Variants in NCAPH2 observed in about 807,000 individuals in gnomAD.
The protein encoded by NCAPH2 is condensin-2 complex subunit H2.
NCAPH2 carries 56 observed loss-of-function variants against 88.6 expected under a neutral mutation model. The ratio of observed to expected loss-of-function variants is 0.63; its 90% CI spans 0.51 to 0.79. The LOEUF is 0.79. NCAPH2 is among the 30% of genes least tolerant of loss of function. The pLI, the probability that NCAPH2 is intolerant of heterozygous loss-of-function variation, is 0.00. For missense variants in NCAPH2, 794 were observed against 792.0 expected (o/e 1.00, Z -0.03); for synonymous variants, 378 against 313.6 (o/e 1.21, Z -2.17).
chr22:50,517,779 CGTG>C lies in NCAPH2; in HGVS notation c.392_394del (p.Val131del). On this transcript the variant is annotated inframe_deletion, in exon 5 of 20. Transcript: ENST00000420993. The stretch of plus-strand genomic sequence containing the variant: ...ATGACTTCCCTGACTCCCGGACTAA[CGTG>C]GATCTCAAGAATGATCAGACGCCCA... 1 of 1,613,982 alleles carries C rather than the reference CGTG, an allele frequency of 6.2e-7. No individual in the cohort carries two copies. The highest frequency in any genetic ancestry group is 8.5e-7 in the Non-Finnish European group (1 of 1,180,032).
intron 1 of NCAPH2, among the ~76,000 whole-genome samples, chr22:50,509,488 T>C (rs6010122): frequency 0.13 from 20,362 of 152,192 alleles, 3,400 homozygotes; most frequent in African/African-American, 0.39. Flanking sequence ...TGCTTAACAC[T>C]CAGTTCATCC....
intron 1 of NCAPH2, among the ~76,000 whole-genome samples, chr22:50,510,669 C>T (rs536833506): frequency 7.9e-5 from 12 of 152,132 alleles, no homozygotes; most frequent in African/African-American, 1.9e-4. Context: ...TCAGGTGATC[C>T]AGCCAGCTCT....
intron 1 of NCAPH2, among the ~76,000 whole-genome samples, chr22:50,514,964 A>G (rs2068875584): frequency 6.6e-6 from 1 of 152,150 alleles, no homozygotes; most frequent in South Asian, 2.1e-4. Context: ...AGCTGCCTTC[A>G]CGTTCCCTTC....
rs2069155920 is a variant in NCAPH2, at chr22:50,522,900, T to C, written c.1505T>C (p.Val502Ala). The change falls in exon 18 of 20, where the codon GTG becomes GCG. Residue 502 changes from valine (V) to alanine (A), a missense_variant. Physicochemically the swap from Val to Ala is moderately conservative, Grantham distance 64 (BLOSUM62 0). Transcript: ENST00000420993. ...SQRIRDWEDT[V>A]QPLLQEQEQH... ...CGCATCAGGGACTGGGAGGACACAG[T>C]GCAGCCTCTGCTCCAGGAGCAGGTG... is the stretch of plus-strand genomic sequence containing the variant. 1 of 1,613,272 alleles carries C rather than the reference T, an allele frequency of 6.2e-7. No homozygotes were observed. The highest frequency in any genetic ancestry group is 8.5e-7 in the Non-Finnish European group (1 of 1,179,984).
chr22:50,524,663 T>G lies in NCAPH2; in HGVS notation c.*1288T>G, dbSNP rs1039499532. ...GGATCACCAGCCTGTCACCGCACCC[T>G]GCCCTGCACCTGCACCTCAGCAAGG... On this transcript the variant is annotated 3_prime_UTR_variant, in exon 20 of 20. Transcript: ENST00000420993. The G allele has an allele frequency of 1.5e-6, 1 of 684,974 alleles. No homozygotes were observed. Among genetic ancestry groups the G allele is most frequent in the Non-Finnish European group, 2.7e-6 (1 of 364,468 alleles). 42.4% of individuals were successfully genotyped at this position (684,974 alleles called of 1,614,324 possible).
Position 50,518,128 on chromosome 22 carries a change from C to A in NCAPH2, c.501-5C>A. On this transcript the variant is annotated splice_polypyrimidine_tract_variant and splice_region_variant and intron_variant, in intron 6 of 19. Coordinates refer to ENST00000420993, the MANE Select transcript of NCAPH2 (RefSeq NM_152299.4). ...TCTACAGCAGGCGTGTTTTTGCCAGCACAGCCGTCAGGGTGAGGTCCTGGC... is the reference window on the plus strand; with the variant it reads ...TCTACAGCAGGCGTGTTTTTGCCAGAACAGCCGTCAGGGTGAGGTCCTGGC... 1 of 1,613,852 alleles carries A rather than the reference C, an allele frequency of 6.2e-7. No homozygotes were observed. Among genetic ancestry groups the A allele is most frequent in the East Asian group, 2.2e-5 (1 of 44,876 alleles).
intron 8 of NCAPH2, 77 bp from the exon 9 acceptor site, chr22:50,519,113 G>A (rs1388485499): frequency 2.6e-5 from 35 of 1,359,130 alleles, no homozygotes; most frequent in Non-Finnish European, 3.2e-5. Flanking sequence ...GAGGGAGGAA[G>A]TAGCCATCAG....
Position 50,524,496 on chromosome 22 carries a change from T to A in NCAPH2, c.*1121T>A. ...CAGTGCCTGGGCTGCCCCTGCGACTTGAGACCAGCCACCCATCTGAAGGAC... is the reference window on the plus strand; with the variant it reads ...CAGTGCCTGGGCTGCCCCTGCGACTAGAGACCAGCCACCCATCTGAAGGAC... On this transcript the variant is annotated 3_prime_UTR_variant, in exon 20 of 20. Transcript: ENST00000420993. 1.4e-6 allele frequency: 2 copies of A among 1,406,984 alleles called. No homozygotes were observed. The highest frequency in any genetic ancestry group is 2.0e-6 in the Non-Finnish European group (2 of 1,008,430). The allele number at this position is 1,406,984 out of a possible 1,614,324, so 87.2% of individuals were successfully genotyped here.
rs1245785060 is a variant in NCAPH2 at position 50,518,700 on chromosome 22, C to G, written c.698C>G (p.Pro233Arg). 1 of 1,609,044 alleles carries G rather than the reference C, an allele frequency of 6.2e-7. No individual in the cohort carries two copies. Among genetic ancestry groups the G allele is most frequent in the Non-Finnish European group, 8.5e-7 (1 of 1,178,634 alleles). Reference protein sequence around the residue: ...QPMEVSVCRSPVPALGFSQEP... With the variant: ...QPMEVSVCRSRVPALGFSQEP... ...ATGGAAGTTTCCGTGTGCAGGAGCCCTGTCCCAGCACTCGGCTTCTCCCAG... is the reference window on the plus strand; with the variant it reads ...ATGGAAGTTTCCGTGTGCAGGAGCCGTGTCCCAGCACTCGGCTTCTCCCAG... Residue 233 changes from proline to arginine, a missense_variant, in exon 8 of 20, where the codon CCT (proline) becomes CGT (arginine). Physicochemically the swap from Pro to Arg is moderately radical, Grantham distance 103. Around this residue, in one of 2 missense-constraint regions of NCAPH2, gnomAD observed 735 missense variants for 696.3 expected, o/e 1.06. Coordinates refer to ENST00000420993, the MANE Select transcript of NCAPH2 (RefSeq NM_152299.4).
Position 50,522,424 on chromosome 22 carries a change from C to G in NCAPH2, c.1306+9C>G. 6.2e-7 allele frequency: 1 copy of G among 1,611,654 alleles called. No individual in the cohort carries two copies. The highest frequency in any genetic ancestry group is 8.5e-7 in the Non-Finnish European group (1 of 1,179,002). On this transcript the variant is annotated intron_variant, in intron 15 of 19. Transcript: ENST00000420993. Reference sequence around the variant, plus strand: ...AGACCTGGGGGCAGCAGGTGGGTGCCTGCCAGGGGGTGGGGTGGGGCTTGG... The same window carrying G: ...AGACCTGGGGGCAGCAGGTGGGTGCGTGCCAGGGGGTGGGGTGGGGCTTGG...
chr22:50,517,987 C>A lies in NCAPH2; in HGVS notation c.435C>A (p.Ile145=). Reference sequence around the variant, plus strand: ...CCTCCATGCAGGAGGTCCTCATCATCCCCCTCCTGCCCATGGCCCTGGTGG... The same window carrying A: ...CCTCCATGCAGGAGGTCCTCATCATACCCCTCCTGCCCATGGCCCTGGTGG... ...NDQTPSEVLI[I]PLLPMALVAP... The change falls in exon 6 of 20, where the codon ATC becomes ATA. Residue 145 remains isoleucine (I), a synonymous_variant. Coordinates refer to ENST00000420993, the MANE Select transcript of NCAPH2 (RefSeq NM_152299.4). The A allele has an allele frequency of 1.2e-6, 2 of 1,613,692 alleles. 1 individual carries two copies. Among genetic ancestry groups the A allele is most frequent in the Admixed American group, 3.3e-5 (2 of 59,980 alleles).
rs1190083903 is a variant in NCAPH2 at position 50,518,070 on chromosome 22, G to T, written c.500+18G>T. ...CTGTACAGGTAGGGATCTGAGCCCA[G>T]CGACGGGGAGGGAGGCCTGCCTGGG... On this transcript the variant is annotated intron_variant, in intron 6 of 19. Coordinates refer to ENST00000420993, the MANE Select transcript of NCAPH2 (RefSeq NM_152299.4). The T allele has an allele frequency of 1.2e-6, 2 of 1,613,666 alleles. No individual in the cohort carries two copies. The highest frequency in any genetic ancestry group is 1.7e-5 in the Admixed American group (1 of 59,958).
At chr22:50,519,760 A>G (rs1025473015) in intron 9 of NCAPH2, 4 of 1,000,460 alleles carry the variant, frequency 4.0e-6, no homozygotes, top group Non-Finnish European at 1.2e-6. Flanking sequence ...TGATGCATAC[A>G]GAGGAAATGT....
chr22:50,508,473 G>T, intron 1 of NCAPH2, 28 bp downstream of exon 1: 1 of 1,273,282 alleles, frequency 7.9e-7, no homozygotes, highest in Non-Finnish European at 1.0e-6. Context: ...GTGACGCGGG[G>T]TGGGCCGGCG....
chr22:50,523,564 CAGATT>C lies in NCAPH2; in HGVS notation c.*191_*195del. The C allele has an allele frequency of 6.3e-7, 1 of 1,596,088 alleles. No individual in the cohort carries two copies. The highest frequency in any genetic ancestry group is 1.7e-5 in the Admixed American group (1 of 58,806). Reference sequence around the variant, plus strand: ...CGCTGGTACAGATCACACACACACACAGATTAAACGCAGCCCGTTTAATGATGGGG... The same window carrying C: ...CGCTGGTACAGATCACACACACACACAAACGCAGCCCGTTTAATGATGGGG... On this transcript the variant is annotated 3_prime_UTR_variant, in exon 20 of 20. Coordinates refer to ENST00000420993, the MANE Select transcript of NCAPH2 (RefSeq NM_152299.4).
chr22:50,518,413 A>G, intron 7 of NCAPH2, 135 bp downstream of exon 7: 1 of 1,341,294 alleles, frequency 7.5e-7, no homozygotes, highest in Non-Finnish European at 1.0e-6. Flanking sequence ...TAGTCTAGAC[A>G]GGTTGGCTGG....
rs922247445 is a variant in NCAPH2, at chr22:50,523,296, T to C, written c.1739T>C (p.Met580Thr). ...QPGLEMAVDT[M>T]SLRLLTHQRA... ...GGGCTGGAGATGGCCGTGGACACCA[T>C]GTCCCTGAGACTGCTCACGCACCAG... Residue 580 changes from methionine (M) to threonine (T), a missense_variant, in exon 20 of 20, where the codon ATG becomes ACG. Transcript: ENST00000420993. 19 of 1,603,380 alleles carry C rather than the reference T, an allele frequency of 1.2e-5. No homozygotes were observed. Among genetic ancestry groups the C allele is most frequent in the East Asian group, 2.3e-5 (1 of 44,286 alleles).
rs75485962 is a variant in NCAPH2, at chr22:50,524,085, G to C, written c.*710G>C. 20 of 1,613,020 alleles carry C rather than the reference G, an allele frequency of 1.2e-5. No homozygotes were observed. Among genetic ancestry groups the C allele is most frequent in the South Asian group, 9.9e-5 (9 of 91,092 alleles). The stretch of plus-strand genomic sequence containing the variant: ...CAGCCTTGCAGCGAGCCCGGCCTCT[G>C]TGATCCAGCAGGTGGAAGTCGCCCT... On this transcript the variant is annotated 3_prime_UTR_variant, in exon 20 of 20. Transcript: ENST00000420993.
At position 50,518,057 on chromosome 22, in the gene NCAPH2, G is replaced by C; in HGVS notation, c.500+5G>C. On this transcript the variant is annotated splice_donor_5th_base_variant and intron_variant, in intron 6 of 19. Transcript: ENST00000420993. The stretch of plus-strand genomic sequence containing the variant: ...GAACAACAATCCCCTGTACAGGTAG[G>C]GATCTGAGCCCAGCGACGGGGAGGG... The C allele has an allele frequency of 1.2e-6, 2 of 1,613,922 alleles. No homozygotes were observed. The highest frequency in any genetic ancestry group is 8.5e-7 in the Non-Finnish European group (1 of 1,179,878).
Sources: allele counts gnomAD v4.1 joint callset (sites outside exome capture counted in the v4.1 genomes callset), GRCh38; gene constraint gnomAD v4.1.1; regional missense constraint gnomAD v4.1.1; transcripts MANE v1.5; gene names NCBI Gene and HGNC (gene_info 2026-07-23, HGNC 2026-07-21).